The following SLC25A28 variants were observed in gnomAD, a reference collection of about 807,000 sequenced individuals.
The protein encoded by SLC25A28 is solute carrier family 25 member 28, also known as mitoferrin-2.
In SLC25A28, 10 loss-of-function variants were observed where a neutral mutation model predicts 31.9. The observed-to-expected ratio is 0.31, with a 90% CI of 0.19 to 0.53. SLC25A28 has a LOEUF of 0.53. Ranked by LOEUF, SLC25A28 falls within the 20% of genes least tolerant of loss-of-function variation. SLC25A28 has a pLI of 0.95. For missense variants in SLC25A28, 256 were observed against 490.3 expected (o/e 0.52, Z 4.51); for synonymous variants, 208 against 203.6 (o/e 1.02, Z -0.19).
the SLC25A28 span, among the ~76,000 whole-genome samples, chr10:99,658,443 T>C: frequency 6.6e-5 from 10 of 152,200 alleles, no homozygotes; most frequent in African/African-American, 2.4e-4. Flanking sequence ...ATATTCTGTC[T>C]AGTGGGACAG....
At chr10:99,631,623 C>G in the SLC25A28 span, among the ~76,000 whole-genome samples, 15,650 of 152,072 alleles carry the variant, frequency 0.1, 1,013 homozygotes, top group East Asian at 0.31. Flanking sequence ...AAAGCCTCAT[C>G]TCTTGACTCA....
At chr10:99,633,684 A>AG in the SLC25A28 span, among the ~76,000 whole-genome samples, 1 of 150,768 alleles carries the variant, frequency 6.6e-6, no homozygotes, top group Admixed American at 6.6e-5. Flanking sequence ...AAAAAAAAAA[A>AG]AGCCTAGGCA....
chr10:99,628,181 G>A, the SLC25A28 span, among the ~76,000 whole-genome samples: 1 of 152,160 alleles, frequency 6.6e-6, no homozygotes, highest in East Asian at 1.9e-4. Flanking sequence ...TGATATGTAA[G>A]ACTTACAATT....
the SLC25A28 span, among the ~76,000 whole-genome samples, chr10:99,640,166 G>A: frequency 2.1e-4 from 32 of 152,066 alleles, no homozygotes; most frequent in Admixed American, 1.3e-3. Flanking sequence ...ATCCATCACC[G>A]CATAACAAAT....
the SLC25A28 span, among the ~76,000 whole-genome samples, chr10:99,648,882 A>C: frequency 1.3e-5 from 2 of 152,166 alleles, no homozygotes; most frequent in African/African-American, 4.8e-5. Context: ...TTTTCTAGAT[A>C]GAAGATCATA....
the SLC25A28 span, chr10:99,651,939 G>A: frequency 6.6e-6 from 1 of 152,064 alleles, no homozygotes; most frequent in Non-Finnish European, 1.5e-5. Flanking sequence ...GTGTGTGAGT[G>A]TGTATCTTGC....
chr10:99,624,538 T>C (rs1229504717), upstream of SLC25A28, among the ~76,000 whole-genome samples: 1 of 152,088 alleles, frequency 6.6e-6, no homozygotes, highest in Non-Finnish European at 1.5e-5. Flanking sequence ...GCCTAAAAAA[T>C]TATAAAAGTA....
intron 1 of SLC25A28, chr10:99,615,996 C>G: frequency 1.0e-6 from 1 of 985,404 alleles, no homozygotes; most frequent in South Asian, 4.7e-5. Flanking sequence ...CTCAACAATT[C>G]TAACTCGATA....
At chr10:99,624,217 TTTTC>T (rs1397750042), upstream of SLC25A28, among the ~76,000 whole-genome samples, 3 of 149,952 alleles carry the variant, frequency 2.0e-5, no homozygotes, top group Admixed American at 6.7e-5. Context: ...CTTTCTTTCT[TTTTC>T]TTTCTTCTTT....
chr10:99,655,357 T>C, the SLC25A28 span, among the ~76,000 whole-genome samples: 1 of 152,280 alleles, frequency 6.6e-6, no homozygotes, highest in African/African-American at 2.4e-5. Flanking sequence ...GATGTAGTTA[T>C]GAAATGTAAA....
At chr10:99,624,107 CTCCT>C (rs1309702010), upstream of SLC25A28, among the ~76,000 whole-genome samples, 1 of 145,936 alleles carries the variant, frequency 6.9e-6, no homozygotes. Context: ...TTCTTCCTTT[CTCCT>C]TCCTTCCTTT....
chr10:99,650,132 G>A, the SLC25A28 span, among the ~76,000 whole-genome samples: 42 of 152,128 alleles, frequency 2.8e-4, no homozygotes, highest in African/African-American at 7.5e-4. Context: ...GATATGTTGT[G>A]CTTTCATTTT....
At chr10:99,636,074 A>G in the SLC25A28 span, among the ~76,000 whole-genome samples, 3 of 152,222 alleles carry the variant, frequency 2.0e-5, no homozygotes, top group Non-Finnish European at 4.4e-5. Context: ...AAGAGACAGA[A>G]AGTCAACAAA....
chr10:99,610,697 G>T lies in SLC25A28; in HGVS notation c.*152C>A. 1 of 899,362 alleles carries T rather than the reference G, an allele frequency of 1.1e-6. No homozygotes were observed. The highest frequency in any genetic ancestry group is 1.7e-6 in the Non-Finnish European group (1 of 598,758). 55.7% of individuals were successfully genotyped at this position (899,362 alleles called of 1,614,324 possible). Reference sequence around the variant, plus strand: ...AAGGTGGTGGCAACAGAGGTTGGCAGGAACTGGTGTTAGTCAAAACACCAA... The same window carrying T: ...AAGGTGGTGGCAACAGAGGTTGGCATGAACTGGTGTTAGTCAAAACACCAA... On this transcript the variant is annotated 3_prime_UTR_variant, in exon 4 of 4. Transcript: ENST00000370495.
At chr10:99,628,613 T>A in the SLC25A28 span, among the ~76,000 whole-genome samples, 22 of 152,104 alleles carry the variant, frequency 1.4e-4, no homozygotes, top group African/African-American at 4.8e-4. Flanking sequence ...TCACCTGAGG[T>A]CAGGAGTTCA....
the SLC25A28 span, among the ~76,000 whole-genome samples, chr10:99,638,870 A>G: frequency 6.6e-6 from 1 of 152,220 alleles, no homozygotes; most frequent in Non-Finnish European, 1.5e-5. Context: ...ACTATGGAAA[A>G]CAGTGTGGAG....
Position 99,610,570 on chromosome 10 carries a change from C to G in SLC25A28, c.*279G>C, listed in dbSNP as rs2034497919. 3 of 392,824 alleles carry G rather than the reference C, an allele frequency of 7.6e-6. No individual in the cohort carries two copies. The highest frequency in any genetic ancestry group is 1.4e-5 in the Non-Finnish European group (3 of 217,200). The allele number at this position is 392,824 out of a possible 1,614,324, so 24.3% of individuals were successfully genotyped here. ...GGAACCAGGGGAATGAGCTGCTTAT[C>G]CCTCTATAACAGTCTAGAGCAGGTC... On this transcript the variant is annotated 3_prime_UTR_variant, in exon 4 of 4. Transcript: ENST00000370495.
the SLC25A28 span, among the ~76,000 whole-genome samples, chr10:99,645,417 T>C: frequency 6.6e-6 from 1 of 152,224 alleles, no homozygotes; most frequent in African/African-American, 2.4e-5. Context: ...TCATTTAAGG[T>C]CTTCTCTATG....
chr10:99,653,797 G>T, the SLC25A28 span: 8 of 152,224 alleles, frequency 5.3e-5, no homozygotes, highest in Non-Finnish European at 1.0e-4. Flanking sequence ...TAAGCCCAAG[G>T]GATTCCATCT....
Sources: gnomAD v4.1 joint callset for allele counts (sites outside exome capture counted in the v4.1 genomes callset) on GRCh38, gnomAD v4.1.1 for gene constraint, MANE v1.5 for transcripts, NCBI Gene and HGNC (gene_info 2026-07-23, HGNC 2026-07-21) for gene names.